The following NUBPL variants were observed in gnomAD, a reference collection of about 807,000 sequenced individuals.
NUBPL encodes the protein iron-sulfur cluster transfer protein NUBPL.
Under a neutral mutation model 45.7 loss-of-function variants are expected in NUBPL, and 31 were observed. The ratio of observed to expected loss-of-function variants is 0.68; its 90% confidence interval spans 0.51 to 0.92. The LOEUF (loss-of-function observed/expected upper bound fraction) is 0.92. Ranked by LOEUF, NUBPL falls within the 40% of genes least tolerant of loss-of-function variation. The probability of loss-of-function intolerance (pLI) is 0.00; values close to 1 mark genes in which losing one functional copy is unlikely to be tolerated. For missense variants in NUBPL, 401 were observed against 398.7 expected (o/e 1.01, Z -0.05); for synonymous variants, 144 against 140.9 (o/e 1.02, Z -0.15).
At chr14:31,569,901 A>G (rs995752369) in intron 3 of NUBPL, among the ~76,000 whole-genome samples, 1 of 152,162 alleles carries the variant, frequency 6.6e-6, no homozygotes, top group African/African-American at 2.4e-5. Flanking sequence ...CTCTTTCTTA[A>G]AAACATCCTT....
At chr14:31,700,930 T>A (rs1330498192) in intron 6 of NUBPL, among the ~76,000 whole-genome samples, 3 of 151,684 alleles carry the variant, frequency 2.0e-5, no homozygotes, top group Non-Finnish European at 4.4e-5. Context: ...GGCTGAGGAG[T>A]GCAGGTGCGC....
chr14:31,645,945 T>C (rs2035839677), intron 4 of NUBPL, among the ~76,000 whole-genome samples: 1 of 152,150 alleles, frequency 6.6e-6, no homozygotes. Context: ...TAGAGTATCC[T>C]GGAGTTATCT....
chr14:31,784,978 A>G (rs949487007), intron 6 of NUBPL, among the ~76,000 whole-genome samples: 9 of 152,152 alleles, frequency 5.9e-5, no homozygotes, highest in Admixed American at 5.9e-4. Flanking sequence ...CTTTGCACTT[A>G]TTATGGCTTC....
chr14:31,666,252 T>TAG (rs2036415205), intron 4 of NUBPL, among the ~76,000 whole-genome samples: 10 of 44,596 alleles, frequency 2.2e-4, no homozygotes, highest in Admixed American at 1.2e-3. Context: ...TATATATATA[T>TAG]ATATATATAT....
chr14:31,813,846 C>T (rs1031595044), intron 7 of NUBPL, among the ~76,000 whole-genome samples: 5 of 152,152 alleles, frequency 3.3e-5, no homozygotes, highest in Non-Finnish European at 5.9e-5. Context: ...TCATCCATGT[C>T]CCTACAAAGA....
intron 6 of NUBPL, among the ~76,000 whole-genome samples, chr14:31,703,766 C>T (rs909300492): frequency 6.6e-6 from 1 of 152,194 alleles, no homozygotes; most frequent in Non-Finnish European, 1.5e-5. Context: ...GACACAGAGC[C>T]AAGCCATATC....
intron 6 of NUBPL, among the ~76,000 whole-genome samples, chr14:31,706,961 G>T (rs1566513527): frequency 6.6e-6 from 1 of 152,166 alleles, no homozygotes; most frequent in Admixed American, 6.5e-5. Flanking sequence ...TTAAGGTTTG[G>T]CTGAGTGCAA....
intron 6 of NUBPL, among the ~76,000 whole-genome samples, chr14:31,675,758 C>T (rs2036679213): frequency 6.6e-6 from 1 of 151,956 alleles, no homozygotes; most frequent in East Asian, 1.9e-4. Flanking sequence ...TTTTCTTTTT[C>T]TCCCTGACAA....
chr14:31,812,442 A>G (rs1055545489), intron 7 of NUBPL, among the ~76,000 whole-genome samples: 2 of 152,218 alleles, frequency 1.3e-5, no homozygotes, highest in African/African-American at 4.8e-5. Flanking sequence ...CCGCTTAGCC[A>G]GGCGCGGGAT....
Position 31,787,804 on chromosome 14 carries a change from T to G in NUBPL, c.538T>G (p.Leu180Val), listed in dbSNP as rs746019410. Reference sequence around the variant, plus strand: ...GGTAGATTGGGGTCAACTGGACTACTTAGTTGTAGACATGCCACCAGGAAC... The same window carrying G: ...GGTAGATTGGGGTCAACTGGACTACGTAGTTGTAGACATGCCACCAGGAAC... ...RQVDWGQLDY[L>V]VVDMPPGTGD... Residue 180 changes from leucine (L) to valine (V), a missense_variant, in exon 7 of 11, where the codon TTA becomes GTA. Transcript: ENST00000281081. 1 of 1,612,640 alleles carries G rather than the reference T, an allele frequency of 6.2e-7. No homozygotes were observed. Among genetic ancestry groups the G allele is most frequent in the South Asian group, 1.1e-5 (1 of 91,052 alleles).
chr14:31,820,329 T>A (rs1383940241), intron 7 of NUBPL, among the ~76,000 whole-genome samples: 1 of 152,046 alleles, frequency 6.6e-6, no homozygotes, highest in East Asian at 1.9e-4. Flanking sequence ...CATCACAAAC[T>A]GAAGTGACAT....
At chr14:31,792,779 C>T (rs184254898) in intron 7 of NUBPL, among the ~76,000 whole-genome samples, 1 of 152,242 alleles carries the variant, frequency 6.6e-6, no homozygotes, top group East Asian at 1.9e-4. Flanking sequence ...GTGATTGTGT[C>T]TATGTGTGTG....
At chr14:31,652,421 A>T (rs1195854919) in intron 4 of NUBPL, among the ~76,000 whole-genome samples, 3 of 152,164 alleles carry the variant, frequency 2.0e-5, no homozygotes, top group Non-Finnish European at 2.9e-5. Flanking sequence ...TGCACTTGAA[A>T]ATTGCTAAGA....
At chr14:31,678,301 C>A (rs891332289) in intron 6 of NUBPL, among the ~76,000 whole-genome samples, 1 of 152,202 alleles carries the variant, frequency 6.6e-6, no homozygotes, top group African/African-American at 2.4e-5. Context: ...GCTGAGCTGG[C>A]ACCTAAGGTG....
intron 4 of NUBPL, among the ~76,000 whole-genome samples, chr14:31,602,278 T>C (rs572784278): frequency 2.6e-5 from 4 of 151,876 alleles, no homozygotes; most frequent in Admixed American, 2.0e-4. Flanking sequence ...TTGGGAGATA[T>C]ACCTAATGCT....
intron 6 of NUBPL, among the ~76,000 whole-genome samples, chr14:31,706,093 A>T (rs1009213852): frequency 2.0e-5 from 3 of 152,194 alleles, no homozygotes; most frequent in African/African-American, 7.2e-5. Flanking sequence ...CAGAGTGGAC[A>T]CCGAGGCTGA....
chr14:31,757,144 A>T (rs977355189), intron 6 of NUBPL, among the ~76,000 whole-genome samples: 1 of 143,984 alleles, frequency 6.9e-6, no homozygotes, highest in Non-Finnish European at 1.5e-5. Context: ...TTCATCAAGG[A>T]TATTGGTCTA....
At chr14:31,683,936 A>C (rs978575682) in intron 6 of NUBPL, among the ~76,000 whole-genome samples, 2 of 150,034 alleles carry the variant, frequency 1.3e-5, no homozygotes, top group Non-Finnish European at 3.0e-5. Context: ...TGCTACTACC[A>C]TAGTAGTAGT....
rs28729537 is a variant in NUBPL at position 31,625,995 on chromosome 14, G to A, written c.382+26616G>A. The stretch of plus-strand genomic sequence containing the variant: ...TTGGGTATATTTTTAAAAAGGTAAT[G>A]GAAAGATCATGTTTATCTTTTTAAT... On this transcript the variant is annotated intron_variant, in intron 4 of 10. Coordinates refer to ENST00000281081, the MANE Select transcript of NUBPL (RefSeq NM_025152.3). Among the ~76,000 whole-genome samples the A allele has an allele frequency of 4.0e-3, 601 of 152,044 alleles. 2 individuals carry two copies. Among genetic ancestry groups the A allele is most frequent in the African/African-American group, 0.014 (571 of 41,472 alleles).
Sources: allele counts gnomAD v4.1 joint callset (sites outside exome capture counted in the v4.1 genomes callset), GRCh38; gene constraint gnomAD v4.1.1; transcripts MANE v1.5; gene names NCBI Gene and HGNC (gene_info 2026-07-23, HGNC 2026-07-21).